ADGRG6: variants seen among roughly 807,000 people sequenced by gnomAD.
ADGRG6 encodes the protein G-protein coupled receptor 126.
ADGRG6 carries 84 observed loss-of-function variants against 142.4 expected under a neutral mutation model. The ratio of observed to expected loss-of-function variants is 0.59; its 90% CI spans 0.49 to 0.71. ADGRG6 has a LOEUF of 0.71. ADGRG6 is among the 30% of genes least tolerant of loss of function. ADGRG6 has a pLI of 0.00. For synonymous variants in ADGRG6, 521 were observed against 520.5 expected, an observed-to-expected ratio of 1.00 and a Z score of -0.01; for missense variants, 1,367 against 1,466.6, an observed-to-expected ratio of 0.93 and a Z score of 1.11.
intron 22 of ADGRG6, among the ~76,000 whole-genome samples, chr6:142,426,808 A>C (rs1258299554): frequency 1.3e-5 from 2 of 152,174 alleles, no homozygotes; most frequent in Admixed American, 1.3e-4. Context: ...ACTTCTGTGC[A>C]CCCACAGGCT....
At chr6:142,317,754 A>G (rs1168938035) in intron 2 of ADGRG6, among the ~76,000 whole-genome samples, 2 of 106,428 alleles carry the variant, frequency 1.9e-5, no homozygotes, top group South Asian at 2.4e-4. Context: ...ATATATATTT[A>G]TATTATATAT....
chr6:142,318,415 A>T (rs1470482178), intron 2 of ADGRG6, among the ~76,000 whole-genome samples: 2 of 118,802 alleles, frequency 1.7e-5, no homozygotes, highest in Non-Finnish European at 3.3e-5. Flanking sequence ...ATATATATAT[A>T]ATATATTTAT....
chr6:142,437,893 TAAA>T, intron 23 of ADGRG6, among the ~76,000 whole-genome samples: 2 of 140,538 alleles, frequency 1.4e-5, no homozygotes, highest in African/African-American at 5.2e-5. Flanking sequence ...TTCTCAGTAT[TAAA>T]AAAAAAAAAA....
At chr6:142,384,503 CA>C (rs1781933178) in intron 6 of ADGRG6, among the ~76,000 whole-genome samples, 2 of 152,064 alleles carry the variant, frequency 1.3e-5, no homozygotes, top group Non-Finnish European at 2.9e-5. Context: ...GAGGAAAAGT[CA>C]GGTGAGTGGA....
chr6:142,335,834 A>G (rs1430868467), intron 2 of ADGRG6, among the ~76,000 whole-genome samples: 2 of 152,156 alleles, frequency 1.3e-5, no homozygotes, highest in African/African-American at 4.8e-5. Context: ...AAAAACCAAG[A>G]GAATATTTCT....
chr6:142,307,165 G>C (rs1166330832), intron 1 of ADGRG6, among the ~76,000 whole-genome samples: 4 of 152,122 alleles, frequency 2.6e-5, no homozygotes, highest in Non-Finnish European at 5.9e-5. Flanking sequence ...ATTATTTAGA[G>C]ATTAAATGAA....
intron 1 of ADGRG6, among the ~76,000 whole-genome samples, chr6:142,306,087 G>A (rs968370892): frequency 2.6e-5 from 4 of 152,170 alleles, no homozygotes; most frequent in Non-Finnish European, 4.4e-5. Context: ...ACAGAGTTGG[G>A]ATATGGCGAA....
chr6:142,390,351 A>G lies in ADGRG6; in HGVS notation c.1308+8A>G. ...AGCAAGGTGGCAGAATGGGTAAGTG[A>G]GCTTGTAACTTTTCTTTTTTAAAAA... On this transcript the variant is annotated splice_region_variant and intron_variant, in intron 7 of 24. Coordinates refer to ENST00000367609, the MANE Select transcript of ADGRG6 (RefSeq NM_198569.3). 3.3e-6 allele frequency: 5 copies of G among 1,536,040 alleles called. 1 individual carries two copies. Among genetic ancestry groups the G allele is most frequent in the Non-Finnish European group, 4.5e-6 (5 of 1,121,024 alleles).
At chr6:142,436,977 A>G (rs1260886318) in intron 22 of ADGRG6, among the ~76,000 whole-genome samples, 2 of 152,248 alleles carry the variant, frequency 1.3e-5, no homozygotes, top group Non-Finnish European at 2.9e-5. Context: ...TACTATGAAT[A>G]TAACTATAAT....
At chr6:142,425,036 T>G (rs1016539565) in intron 22 of ADGRG6, among the ~76,000 whole-genome samples, 6 of 152,136 alleles carry the variant, frequency 3.9e-5, no homozygotes, top group Admixed American at 3.9e-4. Context: ...TTCAAGGTAT[T>G]AAAAGAAAAC....
intron 10 of ADGRG6, among the ~76,000 whole-genome samples, chr6:142,398,190 G>T (rs1195689774): frequency 6.6e-6 from 1 of 152,206 alleles, no homozygotes; most frequent in Non-Finnish European, 1.5e-5. Flanking sequence ...ACTTTGGGAG[G>T]CCAAGGTGGA....
In ADGRG6 at chr6:142,403,988, G is replaced by A. The variant is rs1775670985; in HGVS notation, c.2127+15G>A. 6.3e-7 allele frequency: 1 copy of A among 1,578,934 alleles called. No homozygotes were observed. Among genetic ancestry groups the A allele is most frequent in the Admixed American group, 1.7e-5 (1 of 58,608 alleles). On this transcript the variant is annotated intron_variant, in intron 14 of 24. Coordinates refer to ENST00000367609, the MANE Select transcript of ADGRG6 (RefSeq NM_198569.3). ...CGTATTTCCAGGTAATGAGCCAGTG[G>A]TTTCTTTCATTTTAATTAATTAGTT...
chr6:142,384,030 G>A (rs900221553), intron 6 of ADGRG6, among the ~76,000 whole-genome samples, 187 bp downstream of exon 6: 7 of 152,064 alleles, frequency 4.6e-5, no homozygotes, highest in Admixed American at 6.5e-5. Context: ...TTCTTATGAC[G>A]AGTGGAATGA....
intron 2 of ADGRG6, among the ~76,000 whole-genome samples, chr6:142,351,506 G>C (rs1181543348): frequency 2.0e-5 from 3 of 152,168 alleles, no homozygotes; most frequent in Non-Finnish European, 2.9e-5. Flanking sequence ...GCCATATGCA[G>C]AAGATTGAAA....
rs550560292 is a variant in ADGRG6 at position 142,337,707 on chromosome 6, A to C, written c.103+28063A>C. ...CCAAAGTGGGTTCATGGGTCTGTAA[A>C]TGTTGGTTGCAGTCAAGTTATGTCA... On this transcript the variant is annotated intron_variant, in intron 2 of 24. Transcript: ENST00000367609. 1.4e-4 allele frequency among the ~76,000 whole-genome samples: 22 copies of C among 152,166 alleles called. No homozygotes were observed. In the South Asian group the frequency reaches 2.9e-3, roughly 20 times the overall value.
chr6:142,384,854 A>G (rs922141131), intron 6 of ADGRG6, among the ~76,000 whole-genome samples: 3 of 152,072 alleles, frequency 2.0e-5, no homozygotes, highest in African/African-American at 7.2e-5. Context: ...TACATGAAAC[A>G]TAGATATAAA....
At chr6:142,440,915 C>A in intron 24 of ADGRG6, 1 of 1,460,114 alleles carries the variant, frequency 6.8e-7, no homozygotes. Flanking sequence ...TAGATAATGT[C>A]TCCTATGAGC....
chr6:142,381,934 T>C lies in ADGRG6; in HGVS notation c.1070-17T>C. 2 of 1,525,846 alleles carry C rather than the reference T, an allele frequency of 1.3e-6. No homozygotes were observed. Among genetic ancestry groups the C allele is most frequent in the Non-Finnish European group, 1.8e-6 (2 of 1,111,170 alleles). The allele number at this position is 1,525,846 out of a possible 1,614,324, so 94.5% of individuals were successfully genotyped here. On this transcript the variant is annotated splice_polypyrimidine_tract_variant and intron_variant, in intron 4 of 24. Transcript: ENST00000367609. ...AATCATAAATCAAACTTACATATTC[T>C]TTTTGTGTTGATCAAGGTTCCTACC... is the stretch of plus-strand genomic sequence containing the variant.
chr6:142,338,026 T>TC (rs1779419584), intron 2 of ADGRG6, among the ~76,000 whole-genome samples: 2 of 43,244 alleles, frequency 4.6e-5, no homozygotes, highest in Non-Finnish European at 1.1e-4. Context: ...TGTTTTTTTT[T>TC]TTTTTTTTTT....
Sources: gnomAD v4.1 joint callset for allele counts (sites outside exome capture counted in the v4.1 genomes callset) on GRCh38, gnomAD v4.1.1 for gene constraint, MANE v1.5 for transcripts, NCBI Gene and HGNC (gene_info 2026-07-23, HGNC 2026-07-21) for gene names.